The following CPQ variants were observed in gnomAD, a reference collection of about 807,000 sequenced individuals.
CPQ encodes carboxypeptidase Q, also known as Ser-Met dipeptidase.
A neutral mutation model predicts 45.7 loss-of-function variants in CPQ; 37 were observed. The ratio of observed to expected loss-of-function variants is 0.81; its 90% CI spans 0.62 to 1.07. The LOEUF (loss-of-function observed/expected upper bound fraction) is 1.07. Ranked by LOEUF, CPQ falls within the 50% of genes least tolerant of loss-of-function variation. CPQ has a pLI of 0.00. For missense variants in CPQ, 537 were observed against 572.9 expected (o/e 0.94, Z 0.64); for synonymous variants, 186 against 205.8 (o/e 0.90, Z 0.82).
chr8:97,123,019 TAAAATAAATA>T (rs1563587045), intron 7 of CPQ, among the ~76,000 whole-genome samples: 4 of 17,510 alleles, frequency 2.3e-4, no homozygotes, highest in African/African-American at 4.6e-4. Context: ...TAAAATAAAA[TAAAATAAATA>T]AAATAAAATA....
At chr8:97,034,986 G>A (rs1313955382) in intron 6 of CPQ, among the ~76,000 whole-genome samples, 9 of 150,686 alleles carry the variant, frequency 6.0e-5, no homozygotes, top group East Asian at 2.0e-4. Flanking sequence ...TCCGCCTCCC[G>A]GGTTCAAGCG....
chr8:96,878,262 G>A (rs550901701), intron 3 of CPQ, among the ~76,000 whole-genome samples: 6 of 152,196 alleles, frequency 3.9e-5, no homozygotes, highest in Admixed American at 6.5e-5. Flanking sequence ...CACCATGCCC[G>A]GCTTGCAGTC....
intron 5 of CPQ, among the ~76,000 whole-genome samples, chr8:96,989,055 G>A (rs142393820): frequency 3.9e-4 from 59 of 152,268 alleles, no homozygotes; most frequent in Admixed American, 3.3e-3. Context: ...TGCAAGAGTG[G>A]CCTCTCACCA....
intron 3 of CPQ, among the ~76,000 whole-genome samples, chr8:96,864,271 A>G (rs1273512948): frequency 1.3e-5 from 2 of 151,772 alleles, no homozygotes; most frequent in Non-Finnish European, 2.9e-5. Context: ...TCCAGTCCCC[A>G]CTCTCCAGAT....
chr8:96,806,630 G>C (rs1811083680), intron 2 of CPQ, among the ~76,000 whole-genome samples: 1 of 152,188 alleles, frequency 6.6e-6, no homozygotes. Flanking sequence ...TAATAGGTGT[G>C]TTGAGAATTA....
intron 1 of CPQ, among the ~76,000 whole-genome samples, chr8:96,663,498 CTG>C (rs1258289007): frequency 6.6e-6 from 1 of 152,176 alleles, no homozygotes; most frequent in Non-Finnish European, 1.5e-5. Flanking sequence ...ACTGTGGAGA[CTG>C]TGCCAAGCTG....
At chr8:96,902,372 T>TA (rs1321614184) in intron 4 of CPQ, among the ~76,000 whole-genome samples, 1 of 152,192 alleles carries the variant, frequency 6.6e-6, no homozygotes, top group Non-Finnish European at 1.5e-5. Flanking sequence ...GTTGCATAGG[T>TA]AGTAAGTGGC....
intron 6 of CPQ, among the ~76,000 whole-genome samples, chr8:97,055,920 C>T (rs9297273): frequency 0.12 from 17,826 of 151,930 alleles, 2,414 homozygotes; most frequent in African/African-American, 0.33. Context: ...GGCAACCTGG[C>T]GAGACTTTTC....
chr8:96,946,109 C>A (rs190462764), intron 4 of CPQ, among the ~76,000 whole-genome samples: 31 of 152,190 alleles, frequency 2.0e-4, no homozygotes, highest in African/African-American at 6.0e-4. Flanking sequence ...CTGCTTATGT[C>A]TTCCTGGTTA....
intron 4 of CPQ, among the ~76,000 whole-genome samples, chr8:96,931,722 C>G (rs764899111): frequency 6.6e-6 from 1 of 152,046 alleles, no homozygotes; most frequent in Non-Finnish European, 1.5e-5. Flanking sequence ...TCTCAGACTT[C>G]GAGACTATTG....
intron 1 of CPQ, among the ~76,000 whole-genome samples, chr8:96,712,837 T>A (rs1809630231): frequency 6.6e-6 from 1 of 152,210 alleles, no homozygotes; most frequent in Admixed American, 6.5e-5. Flanking sequence ...CCCTTGTTAC[T>A]TTTGCAAGTT....
chr8:97,007,937 A>C (rs1809414856), intron 5 of CPQ, among the ~76,000 whole-genome samples: 1 of 152,228 alleles, frequency 6.6e-6, no homozygotes, highest in Admixed American at 6.5e-5. Context: ...ACTGGACAGT[A>C]AAATCATCTG....
At chr8:96,865,862 T>C (rs1254663999) in intron 3 of CPQ, among the ~76,000 whole-genome samples, 1 of 152,070 alleles carries the variant, frequency 6.6e-6, no homozygotes, top group Non-Finnish European at 1.5e-5. Context: ...ATTTATTAAG[T>C]GCCTATGTAC....
intron 1 of CPQ, among the ~76,000 whole-genome samples, chr8:96,707,067 A>G (rs1809540016): frequency 6.6e-6 from 1 of 152,128 alleles, no homozygotes; most frequent in South Asian, 2.1e-4. Context: ...CTGGCAACAT[A>G]TAGTTTCCAC....
At chr8:97,110,934 C>T (rs1252086336) in intron 7 of CPQ, among the ~76,000 whole-genome samples, 3 of 152,162 alleles carry the variant, frequency 2.0e-5, no homozygotes, top group African/African-American at 4.8e-5. Flanking sequence ...GGGGCTCCTG[C>T]GGCCATTTGT....
chr8:97,103,283 A>G (rs185544822), intron 7 of CPQ, among the ~76,000 whole-genome samples: 61 of 152,320 alleles, frequency 4.0e-4, no homozygotes, highest in African/African-American at 1.4e-3. Context: ...AACCACATTG[A>G]CTAATCAGAT....
chr8:96,890,744 C>T (rs902353616), intron 4 of CPQ, among the ~76,000 whole-genome samples: 1 of 152,204 alleles, frequency 6.6e-6, no homozygotes, highest in Non-Finnish European at 1.5e-5. Context: ...ATTGTTGTGC[C>T]TCCTGGCAAC....
chr8:96,700,964 G>A (rs1809451156), intron 1 of CPQ, among the ~76,000 whole-genome samples: 1 of 152,188 alleles, frequency 6.6e-6, no homozygotes, highest in South Asian at 2.1e-4. Flanking sequence ...TCTAATAACT[G>A]AAAGTGATTG....
intron 2 of CPQ, among the ~76,000 whole-genome samples, chr8:96,798,529 C>T (rs373545545): frequency 2.0e-5 from 3 of 152,002 alleles, no homozygotes; most frequent in East Asian, 1.9e-4. Flanking sequence ...GTTCCATGGC[C>T]GTAAGTACCA....
Sources: allele counts gnomAD v4.1 joint callset (sites outside exome capture counted in the v4.1 genomes callset), GRCh38; gene constraint gnomAD v4.1.1; transcripts MANE v1.5; gene names NCBI Gene and HGNC (gene_info 2026-07-23, HGNC 2026-07-21).